VPS8: variants seen among roughly 807,000 people sequenced by gnomAD.
The protein encoded by VPS8 is vacuolar protein sorting-associated protein 8 homolog.
A neutral mutation model predicts 216.4 loss-of-function variants in VPS8; 129 were observed. That is an observed-to-expected ratio of 0.60 (90% CI 0.52 to 0.69). VPS8 has a LOEUF of 0.69. VPS8 is among the 30% of genes least tolerant of loss of function. VPS8 has a pLI of 0.00. For missense variants in VPS8, 1,531 were observed against 1,683.5 expected (o/e 0.91, Z 1.59); for synonymous variants, 571 against 565.4 (o/e 1.01, Z -0.14).
intron 37 of VPS8, among the ~76,000 whole-genome samples, chr3:184,959,418 A>G (rs1746125533): frequency 6.6e-6 from 1 of 152,218 alleles, no homozygotes; most frequent in Admixed American, 6.5e-5. Context: ...GAATATGAAT[A>G]TTCAGTTTCT....
chr3:185,018,935 G>A (rs1756231942), intron 45 of VPS8, among the ~76,000 whole-genome samples: 2 of 152,156 alleles, frequency 1.3e-5, no homozygotes. Context: ...AAGATCTGGA[G>A]GATCAAGCCA....
intron 25 of VPS8, among the ~76,000 whole-genome samples, chr3:184,904,042 G>A (rs1197055407): frequency 6.6e-6 from 1 of 151,824 alleles, no homozygotes; most frequent in Non-Finnish European, 1.5e-5. Context: ...TTTATTTTCA[G>A]GATTTGCTGG....
At position 184,951,558 on chromosome 3, in the gene VPS8, G is replaced by C. The variant is rs541328389; in HGVS notation, c.3036-5816G>C. Among the ~76,000 whole-genome samples the C allele has an allele frequency of 3.3e-5, 5 of 152,092 alleles. No individual in the cohort carries two copies. The East Asian group carries it at 9.6e-4, about 29-fold the overall frequency. On this transcript the variant is annotated intron_variant, in intron 36 of 47. Coordinates refer to ENST00000625842, the MANE Select transcript of VPS8 (RefSeq NM_001009921.3). ...TTTAGTCTTCCCTAGAAATGGTTCA[G>C]TTTACAGAGTTATAATTTGAAATGA...
At chr3:184,928,792 A>G (rs1740150856) in intron 32 of VPS8, among the ~76,000 whole-genome samples, 1 of 152,104 alleles carries the variant, frequency 6.6e-6, no homozygotes, top group South Asian at 2.1e-4. Context: ...ATGATGTTTT[A>G]TTATTTTAGA....
Position 185,024,404 on chromosome 3 carries a change from A to G in VPS8, c.4056+15A>G. On this transcript the variant is annotated intron_variant, in intron 46 of 47. Coordinates refer to ENST00000625842, the MANE Select transcript of VPS8 (RefSeq NM_001009921.3). The stretch of plus-strand genomic sequence containing the variant: ...CTGCTAAAAAGGTGAGTTTGTTTTA[A>G]AGGCAAAAAACCAGTTCTTCCTTCT... 6.3e-7 allele frequency: 1 copy of G among 1,586,970 alleles called. No individual in the cohort carries two copies. Among genetic ancestry groups the G allele is most frequent in the Admixed American group, 1.8e-5 (1 of 56,152 alleles).
At chr3:184,962,352 T>C (rs923306238) in intron 37 of VPS8, among the ~76,000 whole-genome samples, 1 of 152,230 alleles carries the variant, frequency 6.6e-6, no homozygotes, top group African/African-American at 2.4e-5. Context: ...TTCCAGATTG[T>C]TTCTATTCTC....
intron 34 of VPS8, among the ~76,000 whole-genome samples, chr3:184,935,961 T>C (rs1316275659): frequency 1.3e-5 from 2 of 152,234 alleles, no homozygotes; most frequent in African/African-American, 2.4e-5. Flanking sequence ...CTGTTTCTCC[T>C]GCAGGTATCA....
rs147626996 is a variant in VPS8, at chr3:184,839,634, A to G, written c.481-64A>G. On this transcript the variant is annotated intron_variant, in intron 6 of 47. Transcript: ENST00000625842. The stretch of plus-strand genomic sequence containing the variant: ...AGAGGAAGGCAGGCCAACAAATTCA[A>G]CTCTGATTATTTCAAGATTCTTAAT... 20 of 1,500,070 alleles carry G rather than the reference A, an allele frequency of 1.3e-5. No individual in the cohort carries two copies. In the African/African-American group the frequency reaches 2.5e-4, roughly 19 times the overall value. 92.9% of individuals were successfully genotyped at this position (1,500,070 alleles called of 1,614,324 possible).
chr3:184,971,610 C>T (rs1230396654), intron 39 of VPS8, 39 bp from the exon 40 acceptor site: 3 of 1,523,092 alleles, frequency 2.0e-6, no homozygotes, highest in Middle Eastern at 1.7e-4. Context: ...TTATCAGCAA[C>T]ATATCCTTAA....
intron 1 of VPS8, among the ~76,000 whole-genome samples, chr3:184,815,044 G>T (rs906560881): frequency 1.3e-5 from 2 of 151,766 alleles, no homozygotes; most frequent in Non-Finnish European, 2.9e-5. Context: ...ATTACTCTAG[G>T]CCTACACAGA....
intron 21 of VPS8, among the ~76,000 whole-genome samples, chr3:184,875,822 C>CA (rs59957370): frequency 0.23 from 16,970 of 72,482 alleles, 1,179 homozygotes; most frequent in Middle Eastern, 0.28. Context: ...CTTGTCTCTA[C>CA]AAAAAAAAAA....
chr3:184,903,568 C>T (rs1734957731), intron 25 of VPS8, among the ~76,000 whole-genome samples: 1 of 152,156 alleles, frequency 6.6e-6, no homozygotes, highest in Non-Finnish European at 1.5e-5. Flanking sequence ...CCTCCTTCCT[C>T]AGCCTCCCAA....
At chr3:184,934,806 G>T (rs979441858) in intron 34 of VPS8, among the ~76,000 whole-genome samples, 2 of 152,088 alleles carry the variant, frequency 1.3e-5, no homozygotes, top group African/African-American at 4.8e-5. Flanking sequence ...GATTCAGATT[G>T]ATCTGTAATT....
intron 42 of VPS8, among the ~76,000 whole-genome samples, chr3:184,992,752 T>A (rs1353637125): frequency 2.0e-5 from 3 of 152,162 alleles, no homozygotes; most frequent in African/African-American, 7.2e-5. Context: ...CTTGACTCAT[T>A]TATTCACAGT....
intron 46 of VPS8, among the ~76,000 whole-genome samples, chr3:185,032,196 A>ATG (rs1304871269): frequency 1.3e-5 from 2 of 152,158 alleles, no homozygotes; most frequent in African/African-American, 4.8e-5. Flanking sequence ...ATGTTCACTG[A>ATG]TGTAGTGAAT....
At chr3:184,849,487 A>G in intron 9 of VPS8, 1 of 258,148 alleles carries the variant, frequency 3.9e-6, no homozygotes. Context: ...ACAGTCGTGT[A>G]AATAATGGAG....
intron 25 of VPS8, among the ~76,000 whole-genome samples, chr3:184,910,349 C>G (rs1375140904): frequency 6.6e-6 from 1 of 152,076 alleles, no homozygotes; most frequent in Non-Finnish European, 1.5e-5. Flanking sequence ...GTGATGGCCT[C>G]CAGCTCTGCT....
chr3:184,913,775 G>T (rs970810664), intron 26 of VPS8, among the ~76,000 whole-genome samples: 1 of 152,158 alleles, frequency 6.6e-6, no homozygotes, highest in East Asian at 1.9e-4. Flanking sequence ...TATAACTGGG[G>T]CTAGAGAAGG....
chr3:184,902,567 C>T (rs186937377), intron 25 of VPS8, among the ~76,000 whole-genome samples: 249 of 151,626 alleles, frequency 1.6e-3, no homozygotes, highest in Admixed American at 3.7e-3. Context: ...TGCTGTGGCT[C>T]ACACCTGTAA....
Sources: allele counts gnomAD v4.1 joint callset (sites outside exome capture counted in the v4.1 genomes callset), GRCh38; gene constraint gnomAD v4.1.1; transcripts MANE v1.5; gene names NCBI Gene and HGNC (gene_info 2026-07-23, HGNC 2026-07-21).